The following TMTC2 variants were observed in gnomAD, a reference collection of about 807,000 sequenced individuals.
TMTC2 encodes the protein protein O-mannosyl-transferase TMTC2.
A neutral mutation model predicts 82.4 loss-of-function variants in TMTC2; 43 were observed. That is an observed-to-expected ratio of 0.52 (90% CI 0.41 to 0.67). The LOEUF is 0.67. Among genes scored for constraint, TMTC2 ranks in the 30% least tolerant of loss-of-function variants. The probability of loss-of-function intolerance (pLI) is 0.00; values close to 1 mark genes in which losing one functional copy is unlikely to be tolerated. For synonymous variants in TMTC2, 408 were observed against 381.9 expected, an observed-to-expected ratio of 1.07 and a Z score of -0.80; for missense variants, 919 against 1,012.4, an observed-to-expected ratio of 0.91 and a Z score of 1.25.
intron 1 of TMTC2, among the ~76,000 whole-genome samples, chr12:82,817,696 A>G (rs1381718723): frequency 6.6e-6 from 1 of 152,204 alleles, no homozygotes; most frequent in Non-Finnish European, 1.5e-5. Context: ...TGAGACCATA[A>G]AAGATGAAAC....
At chr12:83,002,538 A>G (rs1879973672) in intron 8 of TMTC2, among the ~76,000 whole-genome samples, 1 of 152,144 alleles carries the variant, frequency 6.6e-6, no homozygotes, top group African/African-American at 2.4e-5. Context: ...TTCTTGATAT[A>G]GGCATTTAGC....
At chr12:82,872,035 C>T (rs1872221977) in intron 2 of TMTC2, among the ~76,000 whole-genome samples, 1 of 128,202 alleles carries the variant, frequency 7.8e-6, no homozygotes. Context: ...CCCGCAGTTG[C>T]CTAGTATGCA....
At chr12:82,872,645 C>A (rs546682895) in intron 2 of TMTC2, among the ~76,000 whole-genome samples, 1 of 152,144 alleles carries the variant, frequency 6.6e-6, no homozygotes, top group East Asian at 1.9e-4. Flanking sequence ...ATAAAAAATA[C>A]AAAATTGCTT....
chr12:82,857,384 TC>T lies in TMTC2; in HGVS notation c.459del (p.Cys154AlafsTer37). 1.9e-6 allele frequency: 3 copies of T among 1,614,220 alleles called. No individual in the cohort carries two copies. The highest frequency in any genetic ancestry group is 2.5e-6 in the Non-Finnish European group (3 of 1,180,038). ...GASLFFLLSL[L>X]CYIKHCSTRG... is the part of the protein sequence containing the mutation. ...AGTCTCTTCTTTCTCCTCTCCTTGC[TC>T]TGCTACATTAAACACTGTTCTACAA... On this transcript the variant is annotated frameshift_variant, in exon 2 of 12. Transcript: ENST00000321196. LOFTEE classifies it high-confidence loss of function.
chr12:82,896,332 C>A lies in TMTC2; in HGVS notation c.1169C>A (p.Thr390Lys). 1.2e-6 allele frequency: 2 copies of A among 1,614,066 alleles called. No individual in the cohort carries two copies. The highest frequency in any genetic ancestry group is 1.7e-6 in the Non-Finnish European group (2 of 1,179,954). The change falls in exon 3 of 12, where the codon ACG (threonine) becomes AAG (lysine). Residue 390 changes from threonine (T) to lysine (K), a missense_variant. By Grantham distance (78) the Thr-to-Lys change is moderately conservative. Transcript: ENST00000321196. ...TCACAGAGAACCCAGCTTCCTTCTA[C>A]GGAGAACATTGTTGTTCTGTCTTTA... ...DVSQRTQLPSTENIVVLSLSL... is the reference protein window; with the variant it reads ...DVSQRTQLPSKENIVVLSLSL...
intron 2 of TMTC2, among the ~76,000 whole-genome samples, chr12:82,864,944 G>A (rs1003700360): frequency 6.6e-6 from 1 of 151,252 alleles, no homozygotes; most frequent in Non-Finnish European, 1.5e-5. Context: ...GCTGGGTGCA[G>A]TGGCTCACGC....
intron 11 of TMTC2, among the ~76,000 whole-genome samples, chr12:83,096,082 C>G (rs1884018949): frequency 6.6e-6 from 1 of 152,248 alleles, no homozygotes; most frequent in African/African-American, 2.4e-5. Flanking sequence ...AGGCACTTCA[C>G]AGATTATTCA....
At chr12:82,919,955 C>G (rs555169891) in intron 3 of TMTC2, among the ~76,000 whole-genome samples, 1 of 152,264 alleles carries the variant, frequency 6.6e-6, no homozygotes, top group African/African-American at 2.4e-5. Flanking sequence ...GCAATATAGG[C>G]TTTTTCTAGC....
intron 11 of TMTC2, among the ~76,000 whole-genome samples, chr12:83,070,744 G>A (rs1424077959): frequency 6.6e-6 from 1 of 152,160 alleles, no homozygotes; most frequent in African/African-American, 2.4e-5. Flanking sequence ...GAGTAGTGGT[G>A]AGAGTGGGCA....
intron 2 of TMTC2, among the ~76,000 whole-genome samples, chr12:82,894,129 G>C (rs1873535562): frequency 6.6e-6 from 1 of 152,212 alleles, no homozygotes; most frequent in South Asian, 2.1e-4. Flanking sequence ...CGTTGGGGAA[G>C]TATGAAGTCA....
chr12:82,711,025 C>G (rs192909282), intron 1 of TMTC2, among the ~76,000 whole-genome samples: 1 of 152,298 alleles, frequency 6.6e-6, no homozygotes, highest in African/African-American at 2.4e-5. Flanking sequence ...CATCCAAGTT[C>G]ATGAATCTTT....
Position 82,896,252 on chromosome 12 carries a change from AGAG to A in TMTC2, c.1090_1092del (p.Glu364del). On this transcript the variant is annotated inframe_deletion, in exon 3 of 12. Transcript: ENST00000321196. ...TTTCAGATGTGGAGTACCAGAACTC[AGAG>A]ACTAAGTCCAGCTTTGCATCCAAAG... The A allele has an allele frequency of 1.2e-6, 2 of 1,614,128 alleles. No homozygotes were observed. Among genetic ancestry groups the A allele is most frequent in the Non-Finnish European group, 1.7e-6 (2 of 1,180,026 alleles).
chr12:82,750,103 C>T (rs1188152336), intron 1 of TMTC2, among the ~76,000 whole-genome samples: 3 of 152,124 alleles, frequency 2.0e-5, no homozygotes, highest in East Asian at 3.9e-4. Flanking sequence ...GAAAAACATA[C>T]AGTAGCCAAT....
intron 3 of TMTC2, among the ~76,000 whole-genome samples, chr12:82,900,554 G>C (rs1313531437): frequency 1.5e-5 from 2 of 132,338 alleles, no homozygotes; most frequent in African/African-American, 5.6e-5. Flanking sequence ...CCGGAATATA[G>C]ATATGTAGGA....
At chr12:82,948,083 C>A (rs1395408244) in intron 4 of TMTC2, among the ~76,000 whole-genome samples, 1 of 152,168 alleles carries the variant, frequency 6.6e-6, no homozygotes, top group Admixed American at 6.5e-5. Flanking sequence ...AAGATTGTTA[C>A]AGGCCAAGCT....
chr12:82,988,636 T>G (rs1210094839), intron 8 of TMTC2, among the ~76,000 whole-genome samples: 2 of 151,772 alleles, frequency 1.3e-5, no homozygotes, highest in Admixed American at 6.6e-5. Context: ...CTCAGATCCT[T>G]AATACCCCTC....
chr12:82,837,474 G>A (rs1378569077), intron 1 of TMTC2, among the ~76,000 whole-genome samples: 1 of 152,140 alleles, frequency 6.6e-6, no homozygotes, highest in Admixed American at 6.5e-5. Context: ...TTACGATGAT[G>A]ACCTCTCAGG....
intron 11 of TMTC2, among the ~76,000 whole-genome samples, chr12:83,120,648 A>C (rs1228732838): frequency 6.6e-6 from 1 of 152,126 alleles, no homozygotes; most frequent in Non-Finnish European, 1.5e-5. Flanking sequence ...ATCTGTTTGC[A>C]ATGTATTTCC....
chr12:83,096,950 CTT>C (rs911105954), intron 11 of TMTC2, among the ~76,000 whole-genome samples: 11 of 152,146 alleles, frequency 7.2e-5, no homozygotes, highest in Non-Finnish European at 1.3e-4. Context: ...CATAATTAAT[CTT>C]TATATATTTG....
Sources: allele counts gnomAD v4.1 joint callset (sites outside exome capture counted in the v4.1 genomes callset), GRCh38; gene constraint gnomAD v4.1.1; transcripts MANE v1.5; gene names NCBI Gene and HGNC (gene_info 2026-07-23, HGNC 2026-07-21).